The following CREBRF variants were observed in gnomAD, a reference collection of about 807,000 sequenced individuals.
CREBRF encodes UPF0474 protein C5orf41.
In CREBRF, 5 loss-of-function variants were observed where a neutral mutation model predicts 66.1. That is an observed-to-expected ratio of 0.08 (90% CI 0.04 to 0.16). The LOEUF (loss-of-function observed/expected upper bound fraction) is 0.16, where lower values mean the gene tolerates loss of function less well. Ranked by LOEUF, CREBRF falls within the 10% of genes least tolerant of loss-of-function variation. The probability of loss-of-function intolerance (pLI) is 1.00; values close to 1 mark genes in which losing one functional copy is unlikely to be tolerated. For missense variants in CREBRF, 531 were observed against 744.9 expected (o/e 0.71, Z 3.34); for synonymous variants, 229 against 264.4 (o/e 0.87, Z 1.30).
intron 7 of CREBRF, among the ~76,000 whole-genome samples, chr5:173,117,699 C>T (rs986674456): frequency 1.4e-5 from 2 of 139,510 alleles, no homozygotes; most frequent in South Asian, 5.0e-4. Flanking sequence ...TCCTCCTCTT[C>T]CCTCCCTCTC....
rs1421363651 is a variant in CREBRF at position 173,134,372 on chromosome 5, C to T, written c.*627C>T. On this transcript the variant is annotated 3_prime_UTR_variant, in exon 9 of 9. Transcript: ENST00000296953. ...CTTGTATTTTGGGGAAACTCTAAAA[C>T]TGGTAATATTTTGTATGATGAAAAC... 1 of 314,462 alleles carries T rather than the reference C, an allele frequency of 3.2e-6. No homozygotes were observed. Among genetic ancestry groups the T allele is most frequent in the Non-Finnish European group, 6.4e-6 (1 of 156,650 alleles). 19.5% of individuals were successfully genotyped at this position (314,462 alleles called of 1,614,324 possible). A position where few individuals can be genotyped will look rare whatever the true frequency, so the allele number is the denominator to read the frequency against.
chr5:173,098,011 C>T (rs944556944), intron 4 of CREBRF, among the ~76,000 whole-genome samples: 1 of 151,502 alleles, frequency 6.6e-6, no homozygotes, highest in African/African-American at 2.4e-5. Context: ...TGTTTATTAC[C>T]ATAAGATTCC....
chr5:173,116,304 G>A (rs1030081390), intron 7 of CREBRF, among the ~76,000 whole-genome samples: 13 of 152,214 alleles, frequency 8.5e-5, no homozygotes, highest in African/African-American at 1.2e-4. Flanking sequence ...TTACATATAC[G>A]CATACATATG....
chr5:173,127,712 C>A (rs1226851436), intron 8 of CREBRF, among the ~76,000 whole-genome samples: 1 of 152,138 alleles, frequency 6.6e-6, no homozygotes, highest in Non-Finnish European at 1.5e-5. Flanking sequence ...CCCACCTCAG[C>A]CTCCCAAAGT....
chr5:173,100,219 G>A (rs572147071), intron 4 of CREBRF, among the ~76,000 whole-genome samples: 1 of 137,090 alleles, frequency 7.3e-6, no homozygotes, highest in Non-Finnish European at 1.5e-5. Context: ...CAAGTGATCC[G>A]CCCACCTCGG....
intron 7 of CREBRF, among the ~76,000 whole-genome samples, chr5:173,113,122 A>G (rs749352886): frequency 6.6e-6 from 1 of 152,010 alleles, no homozygotes; most frequent in Non-Finnish European, 1.5e-5. Flanking sequence ...CCTCCTGGGT[A>G]TCTGGGAATA....
At chr5:173,068,994 C>A (rs1345818736) in intron 1 of CREBRF, among the ~76,000 whole-genome samples, 1 of 151,944 alleles carries the variant, frequency 6.6e-6, no homozygotes, top group Admixed American at 6.6e-5. Flanking sequence ...ATTGCTTGAA[C>A]CTGGGAGGTG....
At chr5:173,059,269 T>C (rs1757188514) in intron 1 of CREBRF, among the ~76,000 whole-genome samples, 1 of 142,950 alleles carries the variant, frequency 7.0e-6, no homozygotes, top group East Asian at 2.0e-4. Context: ...TTTTTTCTTT[T>C]TTTTTTTTTT....
intron 4 of CREBRF, among the ~76,000 whole-genome samples, chr5:173,105,225 A>ATGTGTGTGTGTGTGTGTG (rs34768667): frequency 6.8e-6 from 1 of 146,546 alleles, no homozygotes; most frequent in East Asian, 2.0e-4. Context: ...GTGTGTATAT[A>ATGTGTGTGTGTGTGTGTG]TGTGTGTGTG....
intron 4 of CREBRF, 87 bp from the exon 5 acceptor site, chr5:173,108,537 A>G: frequency 1.8e-6 from 2 of 1,111,038 alleles, no homozygotes; most frequent in Non-Finnish European, 2.6e-6. Flanking sequence ...AAATATACCA[A>G]GTTACAAATA....
chr5:173,106,586 C>CT (rs1288460186), intron 4 of CREBRF, among the ~76,000 whole-genome samples: 1 of 152,052 alleles, frequency 6.6e-6, no homozygotes, highest in Non-Finnish European at 1.5e-5. Flanking sequence ...CAAATTGATT[C>CT]TTTTTTTTAA....
intron 7 of CREBRF, among the ~76,000 whole-genome samples, chr5:173,114,703 A>ACCT (rs1758943282): frequency 6.6e-6 from 1 of 152,108 alleles, no homozygotes; most frequent in Non-Finnish European, 1.5e-5. Context: ...TATCCCACCA[A>ACCT]ACTTCCTTCT....
chr5:173,108,878 CATA>C (rs1340657201), intron 5 of CREBRF, 60 bp downstream of exon 5: 6 of 1,494,070 alleles, frequency 4.0e-6, no homozygotes, highest in East Asian at 2.3e-5. Context: ...GCTACTAATC[CATA>C]ATGTTTACTC....
At position 173,137,244 on chromosome 5, in the gene CREBRF, TC is replaced by T. The variant is rs1200138174; in HGVS notation, c.*3501del. The T allele has an allele frequency of 6.6e-6, 1 of 152,100 alleles. No individual in the cohort carries two copies. Among genetic ancestry groups the T allele is most frequent in the Admixed American group, 6.5e-5 (1 of 15,270 alleles). The allele number at this position is 152,100 out of a possible 1,614,324, so 9.4% of individuals were successfully genotyped here. ...CTAAACGTCTTCATTCCCTTCCACT[TC>T]CTACATCTTTAACTTTGACCTTTTT... On this transcript the variant is annotated 3_prime_UTR_variant, in exon 9 of 9. Coordinates refer to ENST00000296953, the MANE Select transcript of CREBRF (RefSeq NM_153607.3).
rs147734847 is a variant in CREBRF at position 173,108,668 on chromosome 5, A to G, written c.1267A>G (p.Ile423Val). 1.7e-4 allele frequency: 267 copies of G among 1,613,728 alleles called. 1 individual carries two copies. In the African/African-American group the frequency reaches 3.0e-3, roughly 18 times the overall value. Residue 423 changes from isoleucine (I) to valine (V), a missense_variant, in exon 5 of 9, where the codon ATA becomes GTA. Physicochemically the swap from Ile to Val is conservative, Grantham distance 29. This residue lies in a region of CREBRF where 309 missense variants were observed against 341.4 expected (regional missense o/e 0.90). Coordinates refer to ENST00000296953, the MANE Select transcript of CREBRF (RefSeq NM_153607.3). ...SVEDLKEVTS[I>V]SSRKRGKRRY... Reference sequence around the variant, plus strand: ...AGAAGACCTGAAGGAGGTGACTTCAATATCTTCACGGAAGAGAGGTAAAAG... The same window carrying G: ...AGAAGACCTGAAGGAGGTGACTTCAGTATCTTCACGGAAGAGAGGTAAAAG...
At position 173,091,428 on chromosome 5, in the gene CREBRF, G is replaced by C. The variant is rs549649954; in HGVS notation, c.1222+27G>C. 1.9e-6 allele frequency: 3 copies of C among 1,601,956 alleles called. No homozygotes were observed. In the South Asian group the frequency reaches 3.3e-5, roughly 18 times the overall value. On this transcript the variant is annotated intron_variant, in intron 4 of 8. Coordinates refer to ENST00000296953, the MANE Select transcript of CREBRF (RefSeq NM_153607.3). Reference sequence around the variant, plus strand: ...TATTATAATGCTTGCAAGCTTACCAGACTGACCTTTGTATTACTATTTTGA... The same window carrying C: ...TATTATAATGCTTGCAAGCTTACCACACTGACCTTTGTATTACTATTTTGA...
At chr5:173,082,015 T>TTTTTTTTTTTTGTTTGG (rs1561798870) in intron 2 of CREBRF, among the ~76,000 whole-genome samples, 1 of 126,828 alleles carries the variant, frequency 7.9e-6, no homozygotes. Flanking sequence ...TTTTTTTTTT[T>TTTTTTTTTTTTGTTTGG]TTTTTTTTTT....
At chr5:173,064,115 T>C (rs1370668937) in intron 1 of CREBRF, among the ~76,000 whole-genome samples, 2 of 152,206 alleles carry the variant, frequency 1.3e-5, no homozygotes, top group Non-Finnish European at 2.9e-5. Context: ...ACATATGTTT[T>C]CTTCAGTATA....
chr5:173,098,415 C>A (rs1331467489), intron 4 of CREBRF, among the ~76,000 whole-genome samples: 1 of 152,072 alleles, frequency 6.6e-6, no homozygotes, highest in East Asian at 1.9e-4. Flanking sequence ...TCTCAATTTC[C>A]TTCTGATTTC....
Sources: gnomAD v4.1 joint callset for allele counts (sites outside exome capture counted in the v4.1 genomes callset) on GRCh38, gnomAD v4.1.1 for gene constraint, gnomAD v4.1.1 regional missense constraint, MANE v1.5 for transcripts, NCBI Gene and HGNC (gene_info 2026-07-23, HGNC 2026-07-21) for gene names.